Variants in KLF11 observed in about 807,000 individuals in gnomAD.
KLF11 encodes Krueppel-like factor 11.
Under a neutral mutation model 29.9 loss-of-function variants are expected in KLF11, and 26 were observed. The observed-to-expected ratio is 0.87, with a 90% CI of 0.64 to 1.21. KLF11 has a LOEUF of 1.21. Ranked by LOEUF, KLF11 falls within the 50% of genes most tolerant of loss-of-function variation. The pLI, the probability that KLF11 is intolerant of heterozygous loss-of-function variation, is 0.00. For missense variants in KLF11, 778 were observed against 665.7 expected (o/e 1.17, Z -1.86); for synonymous variants, 318 against 257.4 (o/e 1.24, Z -2.25).
rs35927125 is a variant in KLF11, at chr2:10,046,292, A to G, written c.185A>G (p.Gln62Arg). 0.11 allele frequency: 174,289 copies of G among 1,614,130 alleles called. 10,225 individuals are homozygous for G. Among genetic ancestry groups the G allele is most frequent in the Middle Eastern group, 0.14 (850 of 6,062 alleles). Residue 62 changes from glutamine to arginine, a missense_variant, in exon 2 of 4, where the codon CAG becomes CGG. Gln to Arg is a conservative substitution (Grantham distance 43). Coordinates refer to ENST00000305883, the MANE Select transcript of KLF11 (RefSeq NM_003597.5). The stretch of plus-strand genomic sequence containing the variant: ...ATGAGCTCCTGGGGTCAAAGATCCC[A>G]GAAAGGTGACCTGTTGCGGATAAGA... The part of the protein sequence containing the change: ...VCMSSWGQRS[Q>R]KGDLLRIRPL...
intron 2 of KLF11, 104 bp downstream of exon 2, chr2:10,046,523 TAAG>T: frequency 8.0e-7 from 1 of 1,250,306 alleles, no homozygotes; most frequent in Non-Finnish European, 1.2e-6. Context: ...TGCTGGCAAA[TAAG>T]TTGCGTATCC....
Position 10,052,608 on chromosome 2 carries a change from C to A in KLF11, c.*101C>A. Reference sequence around the variant, plus strand: ...CACTGCCTCACCCAAAAAAAACGGTCTTGGCGGCCTAGGGGAAGATCGGGG... The same window carrying A: ...CACTGCCTCACCCAAAAAAAACGGTATTGGCGGCCTAGGGGAAGATCGGGG... On this transcript the variant is annotated 3_prime_UTR_variant, in exon 4 of 4. Coordinates refer to ENST00000305883, the MANE Select transcript of KLF11 (RefSeq NM_003597.5). The A allele has an allele frequency of 1.5e-6, 2 of 1,300,118 alleles. No homozygotes were observed. The highest frequency in any genetic ancestry group is 2.2e-6 in the Non-Finnish European group (2 of 922,874). 80.5% of individuals were successfully genotyped at this position (1,300,118 alleles called of 1,614,324 possible).
intron 1 of KLF11, 191 bp downstream of exon 1, chr2:10,043,949 T>G (rs1322705564): frequency 4.1e-6 from 4 of 972,924 alleles, no homozygotes; most frequent in African/African-American, 1.8e-5. Flanking sequence ...CGCGCCCGGG[T>G]CGGCGGGGGC....
intron 1 of KLF11, among the ~76,000 whole-genome samples, chr2:10,044,678 C>G (rs1367377834): frequency 2.0e-5 from 3 of 149,154 alleles, no homozygotes; most frequent in African/African-American, 7.4e-5. Flanking sequence ...GGGAGTCTCG[C>G]TCTATCGCCC....
chr2:10,043,811 C>A, intron 1 of KLF11, 53 bp downstream of exon 1: 2 of 1,317,394 alleles, frequency 1.5e-6, no homozygotes, highest in South Asian at 1.3e-5. Flanking sequence ...AGGGGCGAGG[C>A]GGGGGAAGTG....
chr2:10,052,123 C>A, intron 3 of KLF11, 104 bp from the exon 4 acceptor site: 1 of 1,219,170 alleles, frequency 8.2e-7, no homozygotes, highest in Non-Finnish European at 1.2e-6. Flanking sequence ...ATACCACTTT[C>A]TTCTGAGTTT....
chr2:10,043,766 G>A lies in KLF11; in HGVS notation c.42+8G>A. On this transcript the variant is annotated splice_region_variant and intron_variant, in intron 1 of 3. Coordinates refer to ENST00000305883, the MANE Select transcript of KLF11 (RefSeq NM_003597.5). Reference sequence around the variant, plus strand: ...CCAGACGACGCGCGCGCAGTGAGTGGTGGGGCTGCCGCGGCGGGACTACTC... The same window carrying A: ...CCAGACGACGCGCGCGCAGTGAGTGATGGGGCTGCCGCGGCGGGACTACTC... 1.5e-6 allele frequency: 2 copies of A among 1,375,868 alleles called. No individual in the cohort carries two copies. Among genetic ancestry groups the A allele is most frequent in the Non-Finnish European group, 1.9e-6 (2 of 1,047,978 alleles). The allele number at this position is 1,375,868 out of a possible 1,614,324, so 85.2% of individuals were successfully genotyped here.
rs556968229 is a variant in KLF11 at position 10,053,067 on chromosome 2, C to A, written c.*560C>A. On this transcript the variant is annotated 3_prime_UTR_variant, in exon 4 of 4. Coordinates refer to ENST00000305883, the MANE Select transcript of KLF11 (RefSeq NM_003597.5). ...CTTTTAGATCTTTTTGGAATCGGACCTGGTTGAGTAAGGACCTCTTAAAAG... is the reference window on the plus strand; with the variant it reads ...CTTTTAGATCTTTTTGGAATCGGACATGGTTGAGTAAGGACCTCTTAAAAG... The A allele has an allele frequency of 5.1e-6, 2 of 395,534 alleles. No individual in the cohort carries two copies. The highest frequency in any genetic ancestry group is 2.1e-5 in the African/African-American group (1 of 48,664). 24.5% of individuals were successfully genotyped at this position (395,534 alleles called of 1,614,324 possible).
intron 3 of KLF11, among the ~76,000 whole-genome samples, chr2:10,050,154 A>G (rs555654332): frequency 6.6e-6 from 1 of 152,344 alleles, no homozygotes; most frequent in South Asian, 2.1e-4. Context: ...CACGCCTGTC[A>G]TCCCAGCACT....
At chr2:10,050,970 C>T (rs1327068297) in intron 3 of KLF11, among the ~76,000 whole-genome samples, 11 of 121,096 alleles carry the variant, frequency 9.1e-5, no homozygotes, top group Middle Eastern at 6.1e-3. Context: ...GGCGCGATCT[C>T]GGCTCACTGC....
rs1396396452 is a variant in KLF11 at position 10,044,938 on chromosome 2, G to A, written c.42+1180G>A. On this transcript the variant is annotated intron_variant, in intron 1 of 3. Transcript: ENST00000305883. ...AGGTGGGCGGATCACCTGAGGCCGG[G>A]CTTTCGAGACCAGCTTGACCAACAT... is the stretch of plus-strand genomic sequence containing the variant. Among the ~76,000 whole-genome samples the A allele has an allele frequency of 2.0e-5, 3 of 152,304 alleles. No homozygotes were observed. In the East Asian group the frequency reaches 5.8e-4, roughly 29 times the overall value.
chr2:10,043,868 G>A (rs1053945207), intron 1 of KLF11, 110 bp downstream of exon 1: 10 of 1,124,676 alleles, frequency 8.9e-6, no homozygotes, highest in Non-Finnish European at 1.1e-5. Context: ...GGCGTGCAGG[G>A]CTTCGCTGCG....
intron 3 of KLF11, among the ~76,000 whole-genome samples, chr2:10,051,516 AT>A (rs200361804): frequency 0.012 from 1,826 of 150,902 alleles, 53 homozygotes; most frequent in African/African-American, 0.042. Context: ...TGGATGCTAC[AT>A]TTTTTATTTT....
rs1192119612 is a variant in KLF11 at position 10,046,167 on chromosome 2, A to C, written c.60A>C (p.Ile20=). 2.5e-6 allele frequency: 4 copies of C among 1,613,886 alleles called. No homozygotes were observed. The highest frequency in any genetic ancestry group is 2.7e-5 in the African/African-American group (2 of 74,922). ...GCCTTTAGGTTGACATCATGGACAT[A>C]TGTGAGTCCATCCTGGAGAGGAAGC... ...DDARAVDIMD[I]CESILERKRH... Residue 20 remains isoleucine, a synonymous_variant, in exon 2 of 4, where the codon ATA becomes ATC. Transcript: ENST00000305883.
At position 10,046,261 on chromosome 2, in the gene KLF11, G is replaced by GT. The variant is rs867296691; in HGVS notation, c.157dup (p.Cys53LeufsTer13). ...AGACATGGAAGCTGTCGAGGCTCTTGTTTGTATGAGCTCCTGGGGTCAAAG... is the reference window on the plus strand; with the variant it reads ...AGACATGGAAGCTGTCGAGGCTCTTGTTTTGTATGAGCTCCTGGGGTCAAAG... On this transcript the variant is annotated frameshift_variant, in exon 2 of 4. Transcript: ENST00000305883. LOFTEE classifies it high-confidence loss of function. 2 of 1,614,050 alleles carry GT rather than the reference G, an allele frequency of 1.2e-6. No individual in the cohort carries two copies. The highest frequency in any genetic ancestry group is 2.7e-5 in the African/African-American group (2 of 74,916).
At position 10,048,451 on chromosome 2, in the gene KLF11, G is replaced by A. The variant is rs780057828; in HGVS notation, c.1114G>A (p.Ala372Thr). ...GNTKLLPLAP[A>T]PVFITSSQNC... ...TACCAAGTTGTTGCCCCTTGCCCCT[G>A]CTCCAGTGTTCATCACCTCTAGCCA... The change falls in exon 3 of 4, where the codon GCT becomes ACT. Residue 372 changes from alanine (A) to threonine (T), a missense_variant. Coordinates refer to ENST00000305883, the MANE Select transcript of KLF11 (RefSeq NM_003597.5). 14 of 1,613,950 alleles carry A rather than the reference G, an allele frequency of 8.7e-6. No homozygotes were observed. The highest frequency in any genetic ancestry group is 4.2e-6 in the Non-Finnish European group (5 of 1,180,040).
rs1257230806 is a variant in KLF11, at chr2:10,048,011, G to GCACTAACTTGGTGTAGTGCTGTCACTA, written c.688_689insAGTGCTGTCACTACACTAACTTGGTGT (p.Val229_Ser230insTer). On this transcript the variant is annotated stop_gained and inframe_insertion, in exon 3 of 4. Transcript: ENST00000305883. LOFTEE classifies it high-confidence loss of function. Reference sequence around the variant, plus strand: ...ACACACCTCACGGACAGTTTACTCAGCACTAACTTGGTGTCCTGTCAGCCC... The same window carrying GCACTAACTTGGTGTAGTGCTGTCACTA: ...ACACACCTCACGGACAGTTTACTCAGCACTAACTTGGTGTAGTGCTGTCACTACACTAACTTGGTGTCCTGTCAGCCC... 2 of 1,614,188 alleles carry GCACTAACTTGGTGTAGTGCTGTCACTA rather than the reference G, an allele frequency of 1.2e-6. No individual in the cohort carries two copies. The highest frequency in any genetic ancestry group is 2.2e-5 in the East Asian group (1 of 44,890).
At chr2:10,044,169 CG>C in intron 1 of KLF11, 1 of 606,120 alleles carries the variant, frequency 1.6e-6, no homozygotes, top group Non-Finnish European at 1.9e-6. Flanking sequence ...GTTTTGGGGG[CG>C]GGGCACGCGG....
At chr2:10,050,305 G>A (rs531477225) in intron 3 of KLF11, among the ~76,000 whole-genome samples, 3 of 151,812 alleles carry the variant, frequency 2.0e-5, no homozygotes, top group African/African-American at 7.3e-5. Flanking sequence ...TGCTCAGGAG[G>A]CTGAGGCAGG....
Sources: gnomAD v4.1 joint callset for allele counts (sites outside exome capture counted in the v4.1 genomes callset) on GRCh38, gnomAD v4.1.1 for gene constraint, MANE v1.5 for transcripts, NCBI Gene and HGNC (gene_info 2026-07-23, HGNC 2026-07-21) for gene names.